MED28: variants seen among roughly 807,000 people sequenced by gnomAD.
MED28 encodes mediator complex subunit 28, also known as mediator of RNA polymerase II transcription subunit 28.
A neutral mutation model predicts 21.3 loss-of-function variants in MED28; 26 were observed. The observed-to-expected ratio is 1.22, with a 90% CI of 0.89 to 1.69. The LOEUF (loss-of-function observed/expected upper bound fraction) is 1.69. MED28 is among the 40% of genes most tolerant of loss of function. MED28 has a pLI of 0.00. For missense variants in MED28, 257 were observed against 215.4 expected (o/e 1.19, Z -1.21); for synonymous variants, 110 against 87.6 (o/e 1.26, Z -1.43).
chr4:17,615,518 A>G (rs1230167931), intron 1 of MED28, among the ~76,000 whole-genome samples: 2 of 152,236 alleles, frequency 1.3e-5, no homozygotes, highest in Non-Finnish European at 2.9e-5. Flanking sequence ...TCCACATTTT[A>G]AATCCCAGTT....
rs570679489 is a variant in MED28, at chr4:17,631,214, A to G, written c.*7416A>G. Reference sequence around the variant, plus strand: ...AAGACCAGAGGTTCAGGGGATATATATATATATTTTTTTAATCTGTAGAGA... The same window carrying G: ...AAGACCAGAGGTTCAGGGGATATATGTATATATTTTTTTAATCTGTAGAGA... On this transcript the variant is annotated 3_prime_UTR_variant, in exon 4 of 4. Transcript: ENST00000237380. 1 of 151,998 alleles carries G rather than the reference A, an allele frequency of 6.6e-6. No homozygotes were observed. Among genetic ancestry groups the G allele is most frequent in the African/African-American group, 2.4e-5 (1 of 41,326 alleles). 9.4% of individuals were successfully genotyped at this position (151,998 alleles called of 1,614,324 possible).
rs1714834489 is a variant in MED28 at position 17,628,601 on chromosome 4, C to T, written c.*4803C>T. ...TACAGGCATTTCTGGTGGGCTTTGG[C>T]TGAAGGCATTCACACCCCCCAGTGA... On this transcript the variant is annotated 3_prime_UTR_variant, in exon 4 of 4. Transcript: ENST00000237380. The T allele has an allele frequency of 3.3e-5, 5 of 152,078 alleles. No individual in the cohort carries two copies. Among genetic ancestry groups the T allele is most frequent in the Admixed American group, 1.3e-4 (2 of 15,264 alleles). 9.4% of individuals were successfully genotyped at this position (152,078 alleles called of 1,614,324 possible).
In MED28 at chr4:17,625,339, TC is replaced by T. The variant is rs1714747776; in HGVS notation, c.*1545del. Reference sequence around the variant, plus strand: ...TGATTACCAGCCTGACATCAACAAATCCCCTCAGTTACAACGTATAGGTTAA... The same window carrying T: ...TGATTACCAGCCTGACATCAACAAATCCCTCAGTTACAACGTATAGGTTAA... On this transcript the variant is annotated 3_prime_UTR_variant, in exon 4 of 4. Coordinates refer to ENST00000237380, the MANE Select transcript of MED28 (RefSeq NM_025205.5). 4 of 179,916 alleles carry T rather than the reference TC, an allele frequency of 2.2e-5. No homozygotes were observed. In the South Asian group the frequency reaches 4.1e-4, roughly 18 times the overall value. The allele number at this position is 179,916 out of a possible 1,614,324, so 11.1% of individuals were successfully genotyped here.
rs1028470825 is a variant in MED28, at chr4:17,629,941, C to T, written c.*6143C>T. ...GTCCTTAAATGCCTTACTTCAATACCCAAGGCATATGGCCTCAATAAAAAA... is the reference window on the plus strand; with the variant it reads ...GTCCTTAAATGCCTTACTTCAATACTCAAGGCATATGGCCTCAATAAAAAA... On this transcript the variant is annotated 3_prime_UTR_variant, in exon 4 of 4. Transcript: ENST00000237380. The T allele has an allele frequency of 6.6e-6, 1 of 152,098 alleles. No individual in the cohort carries two copies. The highest frequency in any genetic ancestry group is 2.4e-5 in the African/African-American group (1 of 41,418). The allele number at this position is 152,098 out of a possible 1,614,324, so 9.4% of individuals were successfully genotyped here.
intron 1 of MED28, 73 bp downstream of exon 1, chr4:17,614,886 TCTC>T (rs1714401698): frequency 1.5e-5 from 22 of 1,492,510 alleles, no homozygotes; most frequent in Non-Finnish European, 1.9e-5. Flanking sequence ...CGTACGCGTA[TCTC>T]CTCCAGGGAT....
rs1306782437 is a variant in MED28, at chr4:17,630,850, C to CTAAT, written c.*7054_*7057dup. On this transcript the variant is annotated 3_prime_UTR_variant, in exon 4 of 4. Transcript: ENST00000237380. ...CTTTCTATTTCTAAGCTGTCTTCAT[C>CTAAT]TAATTTTACCTTTCTGTGGAAAATC... is the stretch of plus-strand genomic sequence containing the variant. The CTAAT allele has an allele frequency of 2.6e-5, 4 of 151,856 alleles. No individual in the cohort carries two copies. The highest frequency in any genetic ancestry group is 9.7e-5 in the African/African-American group (4 of 41,314). The allele number at this position is 151,856 out of a possible 1,614,324, so 9.4% of individuals were successfully genotyped here.
chr4:17,620,739 C>A (rs1456525010), intron 2 of MED28, among the ~76,000 whole-genome samples: 1 of 141,236 alleles, frequency 7.1e-6, no homozygotes, highest in Non-Finnish European at 1.5e-5. Context: ...GCTCTCTCAC[C>A]CTTTTAAGAA....
At chr4:17,623,115 C>T (rs1253242015) in intron 3 of MED28, among the ~76,000 whole-genome samples, 3 of 152,038 alleles carry the variant, frequency 2.0e-5, no homozygotes, top group East Asian at 1.9e-4. Context: ...GAAAAATAAA[C>T]GTAGGCCGGG....
chr4:17,619,393 A>G (rs1346367295), intron 1 of MED28, among the ~76,000 whole-genome samples: 2 of 152,226 alleles, frequency 1.3e-5, no homozygotes, highest in Non-Finnish European at 2.9e-5. Context: ...ATCTACTAGT[A>G]GGGGACAGAT....
In MED28 at chr4:17,631,426, A is replaced by G. The variant is rs6818639; in HGVS notation, c.*7628A>G. 0.53 allele frequency: 79,929 copies of G among 152,034 alleles called. 23,657 individuals carry two copies. The highest frequency in any genetic ancestry group is 0.88 in the East Asian group (4,552 of 5,174). The allele number at this position is 152,034 out of a possible 1,614,324, so 9.4% of individuals were successfully genotyped here. ...GCTCTCCTCCCATCTCAGCCTCCCAAAGTGTTGGGATTACAGGCATGAGCC... is the reference window on the plus strand; with the variant it reads ...GCTCTCCTCCCATCTCAGCCTCCCAGAGTGTTGGGATTACAGGCATGAGCC... On this transcript the variant is annotated 3_prime_UTR_variant, in exon 4 of 4. Transcript: ENST00000237380.
chr4:17,630,559 A>G lies in MED28; in HGVS notation c.*6761A>G, dbSNP rs1235743110. 1 of 152,178 alleles carries G rather than the reference A, an allele frequency of 6.6e-6. No individual in the cohort carries two copies. The allele number at this position is 152,178 out of a possible 1,614,324, so 9.4% of individuals were successfully genotyped here. A position where few individuals can be genotyped will look rare whatever the true frequency, so the allele number is the denominator to read the frequency against. On this transcript the variant is annotated 3_prime_UTR_variant, in exon 4 of 4. Coordinates refer to ENST00000237380, the MANE Select transcript of MED28 (RefSeq NM_025205.5). ...AGTGACATATTTCTATTGTTTATAA[A>G]TTATCCAGTATAAGTAAGATATTTT...
At chr4:17,619,827 TTA>T in intron 1 of MED28, 72 bp from the exon 2 acceptor site, 1 of 1,358,916 alleles carries the variant, frequency 7.4e-7, no homozygotes, top group Non-Finnish European at 1.0e-6. Context: ...TCAGGAGAAG[TTA>T]TTTCTTCCTC....
At chr4:17,620,681 C>G (rs1714599218) in intron 2 of MED28, among the ~76,000 whole-genome samples, 2 of 138,916 alleles carry the variant, frequency 1.4e-5, no homozygotes, top group Non-Finnish European at 3.0e-5. Context: ...TGCTGGATCT[C>G]TGCATTGTCT....
Position 17,633,334 on chromosome 4 carries a change from A to G in MED28, c.*9536A>G, listed in dbSNP as rs1715021419. The G allele has an allele frequency of 1.7e-5, 3 of 179,626 alleles. No homozygotes were observed. Among genetic ancestry groups the G allele is most frequent in the Admixed American group, 6.0e-5 (1 of 16,566 alleles). The allele number at this position is 179,626 out of a possible 1,614,324, so 11.1% of individuals were successfully genotyped here. A position where few individuals can be genotyped will look rare whatever the true frequency, so the allele number is the denominator to read the frequency against. ...TTGTGCCAAGTCCTGTGCTAAGCACATCCTATGGATTAATTCCTTTAGTCT... is the reference window on the plus strand; with the variant it reads ...TTGTGCCAAGTCCTGTGCTAAGCACGTCCTATGGATTAATTCCTTTAGTCT... On this transcript the variant is annotated 3_prime_UTR_variant, in exon 4 of 4. Coordinates refer to ENST00000237380, the MANE Select transcript of MED28 (RefSeq NM_025205.5).
intron 1 of MED28, 109 bp downstream of exon 1, chr4:17,614,922 G>A: frequency 7.7e-7 from 1 of 1,295,356 alleles, no homozygotes; most frequent in Non-Finnish European, 1.1e-6. Context: ...TTCACAAATG[G>A]GGAAACTGAG....
At position 17,628,721 on chromosome 4, in the gene MED28, G is replaced by A. The variant is rs781714898; in HGVS notation, c.*4923G>A. Reference sequence around the variant, plus strand: ...GATGTGGTCTGAGAGCAGGCAGTAGGATGAGGCTTGGGGACTGGCTCACTC... The same window carrying A: ...GATGTGGTCTGAGAGCAGGCAGTAGAATGAGGCTTGGGGACTGGCTCACTC... On this transcript the variant is annotated 3_prime_UTR_variant, in exon 4 of 4. Transcript: ENST00000237380. 4 of 152,244 alleles carry A rather than the reference G, an allele frequency of 2.6e-5. No homozygotes were observed. The highest frequency in any genetic ancestry group is 7.2e-5 in the African/African-American group (3 of 41,442). The allele number at this position is 152,244 out of a possible 1,614,324, so 9.4% of individuals were successfully genotyped here. A position where few individuals can be genotyped will look rare whatever the true frequency, so the allele number is the denominator to read the frequency against.
At position 17,632,324 on chromosome 4, in the gene MED28, C is replaced by G; in HGVS notation, c.*8526C>G. The stretch of plus-strand genomic sequence containing the variant: ...TCCTGGACTCAAGCAGTCCATCTGC[C>G]TCAGCCTCCCAAAGTGATGGGATTA... On this transcript the variant is annotated 3_prime_UTR_variant, in exon 4 of 4. Transcript: ENST00000237380. The G allele has an allele frequency of 2.6e-6, 1 of 378,640 alleles. No individual in the cohort carries two copies. Among genetic ancestry groups the G allele is most frequent in the Non-Finnish European group, 4.9e-6 (1 of 203,744 alleles). The allele number at this position is 378,640 out of a possible 1,614,324, so 23.5% of individuals were successfully genotyped here. A position where few individuals can be genotyped will look rare whatever the true frequency, so the allele number is the denominator to read the frequency against.
Position 17,633,667 on chromosome 4 carries a change from CT to C in MED28, c.*9870del. 1 of 1,488,308 alleles carries C rather than the reference CT, an allele frequency of 6.7e-7. No individual in the cohort carries two copies. 92.2% of individuals were successfully genotyped at this position (1,488,308 alleles called of 1,614,324 possible). A position where few individuals can be genotyped will look rare whatever the true frequency, so the allele number is the denominator to read the frequency against. On this transcript the variant is annotated 3_prime_UTR_variant, in exon 4 of 4. Transcript: ENST00000237380. ...CTACAGGGAAATAGAATAAGGGCCC[CT>C]GTCCCCAACATCCCCCAAACCTTGT...
chr4:17,617,753 C>G (rs1009925544), intron 1 of MED28, among the ~76,000 whole-genome samples: 1 of 151,964 alleles, frequency 6.6e-6, no homozygotes, highest in African/African-American at 2.4e-5. Context: ...ACTAAAAATA[C>G]AAAAATTAGT....
Sources: allele counts gnomAD v4.1 joint callset (sites outside exome capture counted in the v4.1 genomes callset), GRCh38; gene constraint gnomAD v4.1.1; transcripts MANE v1.5; gene names NCBI Gene and HGNC (gene_info 2026-07-23, HGNC 2026-07-21).